Variants in XPO1 observed in about 807,000 individuals in gnomAD.
The protein encoded by XPO1 is exportin 1, also known as exportin-1.
XPO1 carries 5 observed loss-of-function variants against 133.3 expected under a neutral mutation model. The ratio of observed to expected loss-of-function variants is 0.04; its 90% CI spans 0.02 to 0.08. XPO1 has a LOEUF of 0.08. Among genes scored for constraint, XPO1 ranks in the 10% least tolerant of loss-of-function variants. The pLI is 1.00. For synonymous variants in XPO1, 419 were observed against 408.2 expected (o/e 1.03, Z -0.32); for missense variants, 506 against 1,267.5 (o/e 0.40, Z 9.12).
rs1464973068 is a variant in XPO1 at position 61,528,729 on chromosome 2, TTATTTATA to T, written c.127-2216_127-2209del. Among the ~76,000 whole-genome samples the T allele has an allele frequency of 3.0e-5, 3 of 98,900 alleles. 1 individual carries two copies. The highest frequency in any genetic ancestry group is 6.0e-5 in the Non-Finnish European group (3 of 49,904). 64.9% of individuals were successfully genotyped at this position (98,900 alleles called of 152,430 possible). ...TTTAAGATCCAGCCATGTCGACATT[TTATTTATA>T]TATATATATATATATATATATATAT... On this transcript the variant is annotated intron_variant, in intron 2 of 24. Transcript: ENST00000401558.
At chr2:61,497,265 T>G (rs1017445865) in intron 9 of XPO1, among the ~76,000 whole-genome samples, 9 of 152,136 alleles carry the variant, frequency 5.9e-5, no homozygotes, top group Non-Finnish European at 1.0e-4. Flanking sequence ...CAGGCTGAAA[T>G]GCAGGGGCTT....
chr2:61,492,228 G>A lies in XPO1; in HGVS notation c.1724-30C>T. The A allele has an allele frequency of 6.2e-7, 1 of 1,609,562 alleles. No homozygotes were observed. Among genetic ancestry groups the A allele is most frequent in the Non-Finnish European group, 8.5e-7 (1 of 1,178,054 alleles). ...CAAGACAAAAATATTCATTTATTTTGTCCTGGACTCCATCATGGGTCTCTA... is the reference window on the plus strand; with the variant it reads ...CAAGACAAAAATATTCATTTATTTTATCCTGGACTCCATCATGGGTCTCTA... On this transcript the variant is annotated intron_variant, in intron 15 of 24. Coordinates refer to ENST00000401558, the MANE Select transcript of XPO1 (RefSeq NM_003400.4). This position sits in a 1 kb window ranked among gnomAD's most constrained non-coding sequence, Gnocchi z 5.6.
intron 3 of XPO1, chr2:61,525,547 GTT>G (rs1395432297): frequency 3.9e-6 from 4 of 1,012,984 alleles, no homozygotes; most frequent in Non-Finnish European, 4.7e-6. Context: ...ACAAATTTGA[GTT>G]TTTAAAAATA....
intron 16 of XPO1, 68 bp downstream of exon 16, chr2:61,491,967 C>T (rs1009995284): frequency 4.5e-6 from 7 of 1,547,006 alleles, no homozygotes; most frequent in Non-Finnish European, 6.1e-6. Flanking sequence ...CTCCTATTTC[C>T]ATTGATACAT....
chr2:61,518,417 A>AAAACAAAACAC (rs1454103179), intron 4 of XPO1, among the ~76,000 whole-genome samples: 4 of 124,458 alleles, frequency 3.2e-5, no homozygotes, highest in African/African-American at 9.8e-5. Context: ...CAAAAAACAA[A>AAAACAAAACAC]ACACACACAC....
At chr2:61,490,860 GA>G in intron 16 of XPO1, 84 bp from the exon 17 acceptor site, 1 of 1,533,640 alleles carries the variant, frequency 6.5e-7, no homozygotes, top group Non-Finnish European at 8.8e-7. Context: ...CAAACGTCTT[GA>G]AACTGATTTT....
At chr2:61,484,128 AAAT>A (rs1220355144) in intron 20 of XPO1, 23 bp from the exon 21 acceptor site, 2 of 1,594,950 alleles carry the variant, frequency 1.3e-6, no homozygotes, top group Non-Finnish European at 8.6e-7. Flanking sequence ...GGTGGAAACA[AAAT>A]AATGTTTCAG....
Position 61,478,425 on chromosome 2 carries a change from G to T in XPO1, c.*395C>A. On this transcript the variant is annotated 3_prime_UTR_variant, in exon 25 of 25. Transcript: ENST00000401558. ...TTTTACTCATTATCTTTTCTTCTAGGCTGAAATAGACTAGAAGGAAAATGC... is the reference window on the plus strand; with the variant it reads ...TTTTACTCATTATCTTTTCTTCTAGTCTGAAATAGACTAGAAGGAAAATGC... 1 of 262,044 alleles carries T rather than the reference G, an allele frequency of 3.8e-6. No individual in the cohort carries two copies. The highest frequency in any genetic ancestry group is 7.3e-6 in the Non-Finnish European group (1 of 137,104). 16.2% of individuals were successfully genotyped at this position (262,044 alleles called of 1,614,324 possible). A position where few individuals can be genotyped will look rare whatever the true frequency, so the allele number is the denominator to read the frequency against.
Position 61,526,503 on chromosome 2 carries a change from C to T in XPO1, c.145G>A (p.Val49Ile). 1 of 1,580,728 alleles carries T rather than the reference C, an allele frequency of 6.3e-7. No homozygotes were observed. Among genetic ancestry groups the T allele is most frequent in the Non-Finnish European group, 8.5e-7 (1 of 1,170,190 alleles). Residue 49 changes from valine to isoleucine, a missense_variant, in exon 3 of 25, where the codon GTA (valine) becomes ATA (isoleucine). Transcript: ENST00000401558. Reference protein sequence around the residue: ...EGAQQRMAQEVLTHLKEHPDA... With the variant: ...EGAQQRMAQEILTHLKEHPDA... ...GGATGCTCCTTTAAATGTGTCAGTA[C>T]TTCTTGAGCCATTCTTTGCTAAAAT...
chr2:61,522,524 T>C (rs1341479719), intron 4 of XPO1, 87 bp downstream of exon 4: 2 of 1,158,236 alleles, frequency 1.7e-6, no homozygotes, highest in Non-Finnish European at 2.5e-6. Context: ...ATACTAAAGA[T>C]TCATTACATG....
rs776492162 is a variant in XPO1 at position 61,482,511 on chromosome 2, T to C, written c.2841A>G (p.Ala947=). The C allele has an allele frequency of 1.2e-5, 19 of 1,611,122 alleles. No homozygotes were observed. The South Asian group carries it at 1.7e-4, about 14-fold the overall frequency. Residue 947 remains alanine (A), a synonymous_variant, in exon 23 of 25, where the codon GCA becomes GCG. Transcript: ENST00000401558. ...CTTCTTCAACCAAATTAAACATATA[T>C]GCAAGAATTGATGCATGCATTGTTA... ...AGLTMHASIL[A]YMFNLVEEGK...
intron 24 of XPO1, chr2:61,480,540 C>G (rs368994324): frequency 7.9e-5 from 12 of 151,946 alleles, no homozygotes; most frequent in African/African-American, 2.9e-4. Flanking sequence ...CTTGGCCTCC[C>G]AAAGTGCTGG....
Position 61,495,400 on chromosome 2 carries a change from A to C in XPO1, c.1047+55T>G. ...TACATTTTAGAAAAAGGCACTTTTA[A>C]GAGTTATTAGTAGGCAGAGCAGAAT... On this transcript the variant is annotated intron_variant, in intron 11 of 24. Transcript: ENST00000401558. 3 of 1,422,134 alleles carry C rather than the reference A, an allele frequency of 2.1e-6. No individual in the cohort carries two copies. The East Asian group carries it at 7.2e-5, about 34-fold the overall frequency. 88.1% of individuals were successfully genotyped at this position (1,422,134 alleles called of 1,614,324 possible).
At chr2:61,498,457 G>T (rs894451789) in intron 9 of XPO1, among the ~76,000 whole-genome samples, 4 of 152,152 alleles carry the variant, frequency 2.6e-5, no homozygotes, top group African/African-American at 9.7e-5. Flanking sequence ...TGTTCAAAAT[G>T]AATTCATAAA....
intron 3 of XPO1, among the ~76,000 whole-genome samples, chr2:61,524,207 T>C (rs1178954132): frequency 6.6e-6 from 1 of 152,114 alleles, no homozygotes; most frequent in Non-Finnish European, 1.5e-5. Flanking sequence ...TATATCCTCT[T>C]GCCAAAAATC....
intron 4 of XPO1, among the ~76,000 whole-genome samples, chr2:61,513,363 CTTTTT>C (rs55865110): frequency 2.3e-4 from 29 of 126,126 alleles, no homozygotes; most frequent in Middle Eastern, 4.2e-3. Context: ...TACAGAATAT[CTTTTT>C]TTTTTTTTTT....
intron 18 of XPO1, 85 bp from the exon 19 acceptor site, chr2:61,488,356 T>C: frequency 7.3e-7 from 1 of 1,373,450 alleles, no homozygotes; most frequent in Non-Finnish European, 1.0e-6. Flanking sequence ...CAATTCCATT[T>C]TACCATTAAA....
chr2:61,486,109 C>A, intron 19 of XPO1, 147 bp from the exon 20 acceptor site: 1 of 743,846 alleles, frequency 1.3e-6, no homozygotes, highest in Non-Finnish European at 2.1e-6. Context: ...TTTCCTACGT[C>A]AAAACAGTTT....
At chr2:61,525,691 T>C (rs1243352010) in intron 3 of XPO1, 4 of 1,026,264 alleles carry the variant, frequency 3.9e-6, no homozygotes, top group Non-Finnish European at 4.7e-6. Flanking sequence ...GACTGTATTT[T>C]TGACCTAAAA....
Sources: gnomAD v4.1 joint callset for allele counts (sites outside exome capture counted in the v4.1 genomes callset) on GRCh38, gnomAD v4.1.1 for gene constraint, Gnocchi (gnomAD v3.1) non-coding constraint, MANE v1.5 for transcripts, NCBI Gene and HGNC (gene_info 2026-07-23, HGNC 2026-07-21) for gene names.